Variants in WNT9B observed in about 807,000 individuals in gnomAD.
WNT9B encodes the protein Wnt family member 9B, also known as protein Wnt-9b.
WNT9B carries 12 observed loss-of-function variants against 30.2 expected under a neutral mutation model. That is an observed-to-expected ratio of 0.40 (90% CI 0.26 to 0.64). The LOEUF is 0.64. Ranked by LOEUF, WNT9B falls within the 30% of genes least tolerant of loss-of-function variation. WNT9B has a pLI of 0.42. For synonymous variants in WNT9B, 218 were observed against 216.9 expected, an observed-to-expected ratio of 1.01 and a Z score of -0.05; for missense variants, 442 against 485.2, an observed-to-expected ratio of 0.91 and a Z score of 0.84.
chr17:46,873,159 GA>G (rs1415821241), intron 2 of WNT9B, among the ~76,000 whole-genome samples: 2 of 151,668 alleles, frequency 1.3e-5, no homozygotes, highest in Non-Finnish European at 2.9e-5. Flanking sequence ...AAGACGTGAG[GA>G]TGGGCGGCAG....
intron 1 of WNT9B, among the ~76,000 whole-genome samples, chr17:46,859,192 T>C (rs1193487044): frequency 6.6e-6 from 1 of 152,096 alleles, no homozygotes; most frequent in Non-Finnish European, 1.5e-5. Context: ...GGCAGGCTGG[T>C]CTTGAACTCC....
intron 1 of WNT9B, among the ~76,000 whole-genome samples, chr17:46,834,905 A>G (rs767667121): frequency 3.9e-5 from 6 of 152,184 alleles, no homozygotes; most frequent in African/African-American, 7.2e-5. Context: ...AAAAATGGCC[A>G]TTGAGCTCAC....
chr17:46,839,121 G>A (rs774723884), intron 1 of WNT9B, among the ~76,000 whole-genome samples: 11 of 152,078 alleles, frequency 7.2e-5, no homozygotes, highest in Non-Finnish European at 1.6e-4. Flanking sequence ...CAGGAGTTCC[G>A]CCCGCCTCGG....
At chr17:46,835,413 G>A (rs536343993) in intron 1 of WNT9B, among the ~76,000 whole-genome samples, 54 of 152,044 alleles carry the variant, frequency 3.6e-4, no homozygotes, top group African/African-American at 1.2e-3. Flanking sequence ...GGGTTTCACC[G>A]TGTTAGCCAG....
intron 1 of WNT9B, among the ~76,000 whole-genome samples, chr17:46,840,000 C>CTTTCT (rs1340396658): frequency 8.0e-5 from 10 of 125,190 alleles, no homozygotes; most frequent in African/African-American, 3.3e-4. Context: ...TTTTTTCTTT[C>CTTTCT]TTCTTTCTTT....
At chr17:46,856,523 C>T (rs1249104406) in intron 1 of WNT9B, among the ~76,000 whole-genome samples, 1 of 148,036 alleles carries the variant, frequency 6.8e-6, no homozygotes, top group Non-Finnish European at 1.5e-5. Context: ...CTCACTATGT[C>T]GCCCAGGCTG....
intron 1 of WNT9B, among the ~76,000 whole-genome samples, chr17:46,834,723 G>T (rs558947329): frequency 6.6e-6 from 1 of 152,030 alleles, no homozygotes; most frequent in Non-Finnish European, 1.5e-5. Context: ...AACCTGGAAG[G>T]TTCCCTCTGC....
exon 1 of WNT9B, chr17:46,833,399 C>T (rs1377482418): frequency 1.9e-6 from 1 of 518,232 alleles, no homozygotes; most frequent in African/African-American, 1.9e-5. Context: ...GCCTGAATGC[C>T]AGTCCTGGGA....
upstream of WNT9B, among the ~76,000 whole-genome samples, chr17:46,850,644 C>G (rs977766954): frequency 1.3e-5 from 2 of 152,222 alleles, no homozygotes; most frequent in African/African-American, 4.8e-5. Flanking sequence ...TTAAATCTCA[C>G]TTGGGTCATT....
intron 1 of WNT9B, among the ~76,000 whole-genome samples, chr17:46,853,341 A>T (rs1023236367): frequency 1.4e-5 from 2 of 147,190 alleles, no homozygotes; most frequent in African/African-American, 5.0e-5. Flanking sequence ...GCATGCAGTA[A>T]GTGCTCAACT....
chr17:46,862,168 AAAAAAAAAAAAG>A (rs1178280851), intron 1 of WNT9B, among the ~76,000 whole-genome samples: 2 of 151,738 alleles, frequency 1.3e-5, no homozygotes, highest in Admixed American at 1.3e-4. Flanking sequence ...CGTCTCAAAA[AAAAAAAAAAAAG>A]AAAAAGAAAA....
chr17:46,840,518 C>T (rs1419730158), intron 1 of WNT9B, among the ~76,000 whole-genome samples: 3 of 152,236 alleles, frequency 2.0e-5, no homozygotes, highest in Admixed American at 6.5e-5. Flanking sequence ...CCTTTGTGTA[C>T]ATACCCAGTA....
intron 1 of WNT9B, among the ~76,000 whole-genome samples, chr17:46,845,713 C>T (rs1481544360): frequency 6.6e-6 from 1 of 151,002 alleles, no homozygotes; most frequent in South Asian, 2.1e-4. Context: ...TGCTCTCAAA[C>T]TCCTGACCTT....
rs149949310 is a variant in WNT9B, at chr17:46,875,220, G to A, written c.454G>A (p.Glu152Lys). The A allele has an allele frequency of 6.5e-4, 1,042 of 1,614,082 alleles. 1 individual carries two copies. The highest frequency in any genetic ancestry group is 8.3e-4 in the Non-Finnish European group (977 of 1,180,054). The change falls in exon 3 of 4, where the codon GAG (glutamate) becomes AAG (lysine). Residue 152 changes from glutamate to lysine, a missense_variant. Physicochemically the swap from Glu to Lys is moderately conservative, Grantham distance 56. Transcript: ENST00000290015. ...CACCTGTGATGACTCTCCGGGGCTG[G>A]AGAGCCGGCAGGCCTGGCAGTGGGG... ...RCTCDDSPGL[E>K]SRQAWQWGVC...
At chr17:46,859,446 T>C (rs2084996871) in intron 1 of WNT9B, among the ~76,000 whole-genome samples, 1 of 152,256 alleles carries the variant, frequency 6.6e-6, no homozygotes. Flanking sequence ...CATCAATTGA[T>C]TCAATATGTG....
downstream of WNT9B, among the ~76,000 whole-genome samples, chr17:46,881,920 G>A (rs1464180282): frequency 1.1e-4 from 17 of 152,120 alleles, no homozygotes; most frequent in Admixed American, 1.1e-3. Flanking sequence ...ACATCTAAGA[G>A]ATGTAACATT....
At chr17:46,851,539 C>A (rs1355462840), upstream of WNT9B, 3 of 581,326 alleles carry the variant, frequency 5.2e-6, no homozygotes, top group African/African-American at 5.9e-5. The surrounding 1 kb of genome is among the most constrained non-coding windows in gnomAD (Gnocchi z 4.3). Context: ...CGCCGCCTGC[C>A]CCGCCCCACC....
chr17:46,857,036 G>T (rs116437356), intron 1 of WNT9B, among the ~76,000 whole-genome samples: 3 of 152,112 alleles, frequency 2.0e-5, no homozygotes, highest in African/African-American at 4.8e-5. Flanking sequence ...CTTTTGCTTG[G>T]ATTATTTTGC....
chr17:46,836,096 G>A (rs569634132), intron 1 of WNT9B, among the ~76,000 whole-genome samples: 47 of 24,454 alleles, frequency 1.9e-3, no homozygotes, highest in African/African-American at 8.1e-3. Flanking sequence ...AGACGCTGAC[G>A]TGTGTGTGTG....
Sources: allele counts gnomAD v4.1 joint callset (sites outside exome capture counted in the v4.1 genomes callset), GRCh38; gene constraint gnomAD v4.1.1; non-coding constraint Gnocchi (gnomAD v3.1); transcripts MANE v1.5; gene names NCBI Gene and HGNC (gene_info 2026-07-23, HGNC 2026-07-21).